The following PGA3 variants were observed in gnomAD, a reference collection of about 807,000 sequenced individuals.
The protein encoded by PGA3 is pepsinogen A3, also known as pepsin A-3.
Under a neutral mutation model 15.6 loss-of-function variants are expected in PGA3, and 1 was observed. The ratio of observed to expected loss-of-function variants is 0.06; its 90% confidence interval spans 0.02 to 0.30. The LOEUF is 0.30. PGA3 is among the 10% of genes least tolerant of loss of function. The pLI is 1.00. For synonymous variants in PGA3, 14 were observed against 79.5 expected (o/e 0.18, Z 4.38); for missense variants, 29 against 183.7 (o/e 0.16, Z 4.87).
intron 1 of PGA3, 141 bp downstream of exon 1, chr11:61,203,761 G>A: frequency 1.4e-6 from 2 of 1,407,840 alleles, no homozygotes; most frequent in Admixed American, 1.9e-5. Context: ...CTGCCTTTTT[G>A]GGAGGCAGCC....
chr11:61,205,194 A>T (rs1853911153), intron 2 of PGA3, among the ~76,000 whole-genome samples: 1 of 151,894 alleles, frequency 6.6e-6, no homozygotes, highest in African/African-American at 2.4e-5. Flanking sequence ...CCGTCAGAGG[A>T]TGTTGCCAGG....
chr11:61,211,098 T>A lies in PGA3; in HGVS notation c.782T>A (p.Met261Lys). Residue 261 changes from methionine (M) to lysine (K), a missense_variant, in exon 7 of 9, where the codon ATG (methionine) becomes AAG (lysine). Transcript: ENST00000325558. ...TTGCTTCTTGCCCTCAGCATCACCA[T>A]GAACGGAGAGGCCATCGCCTGCGCT... is the stretch of plus-strand genomic sequence containing the variant. ...YWQITVDSITMNGEAIACAEG... is the reference protein window; with the variant it reads ...YWQITVDSITKNGEAIACAEG... 2 of 364,690 alleles carry A rather than the reference T, an allele frequency of 5.5e-6. No homozygotes were observed. The highest frequency in any genetic ancestry group is 9.9e-6 in the Non-Finnish European group (2 of 202,874). The allele number at this position is 364,690 out of a possible 1,614,324, so 22.6% of individuals were successfully genotyped here.
intron 2 of PGA3, 22 bp downstream of exon 2, chr11:61,204,291 G>T (rs758206395): frequency 1.5e-6 from 2 of 1,375,420 alleles, no homozygotes. Context: ...GGCAAGTGGT[G>T]GGGCCAGCTC....
Position 61,211,943 on chromosome 11 carries a change from C to T in PGA3, c.1017+508C>T, listed in dbSNP as rs1170883133. Among the ~76,000 whole-genome samples the T allele has an allele frequency of 2.6e-4, 38 of 148,888 alleles. 1 individual carries two copies. The highest frequency in any genetic ancestry group is 3.5e-3 in the Middle Eastern group (1 of 282). On this transcript the variant is annotated intron_variant, in intron 8 of 8. Coordinates refer to ENST00000325558, the MANE Select transcript of PGA3 (RefSeq NM_001079807.4). The stretch of plus-strand genomic sequence containing the variant: ...ACCAAGTAGCAAATCTTTAGCTATA[C>T]GAGCCACAAGAAAACTCTTTCCCTT...
intron 6 of PGA3, 139 bp from the exon 7 acceptor site, chr11:61,210,951 C>T: frequency 2.5e-5 from 3 of 120,864 alleles, no homozygotes; most frequent in South Asian, 4.9e-5. Flanking sequence ...CGAATGAGTG[C>T]GTGAACGAGA....
At chr11:61,205,431 A>G (rs1243876552) in intron 2 of PGA3, among the ~76,000 whole-genome samples, 3 of 152,222 alleles carry the variant, frequency 2.0e-5, no homozygotes, top group Non-Finnish European at 4.4e-5. Flanking sequence ...AGAGAATTTC[A>G]GATAATGATG....
At chr11:61,206,482 G>A (rs751303030) in intron 2 of PGA3, 28 bp from the exon 3 acceptor site, 27 of 40,602 alleles carry the variant, frequency 6.6e-4, no homozygotes, top group Non-Finnish European at 1.2e-3. Flanking sequence ...ACCCCGTTCC[G>A]TGAACTGCCC....
chr11:61,211,533 C>A (rs1178184864), intron 8 of PGA3, 98 bp downstream of exon 8: 1 of 1,393,268 alleles, frequency 7.2e-7, no homozygotes, highest in South Asian at 1.2e-5. Context: ...CGAGCTGAAG[C>A]CAAGAGGCAG....
chr11:61,204,850 G>A (rs192935302), intron 2 of PGA3: 41 of 164,394 alleles, frequency 2.5e-4, no homozygotes, highest in Non-Finnish European at 4.7e-4. Context: ...AGGGGTGGAC[G>A]CAGAGAGGCT....
chr11:61,203,840 C>T, intron 1 of PGA3: 1 of 738,176 alleles, frequency 1.4e-6, no homozygotes, highest in Non-Finnish European at 2.2e-6. Flanking sequence ...GTCAGCTTAA[C>T]TTCTTTGCAT....
intron 2 of PGA3, among the ~76,000 whole-genome samples, chr11:61,204,903 A>G (rs1263445325): frequency 1.3e-5 from 2 of 152,208 alleles, no homozygotes; most frequent in African/African-American, 4.8e-5. Context: ...GGGGTGTGAC[A>G]AGATCAGATC....
At chr11:61,205,160 G>A (rs1853910532) in intron 2 of PGA3, among the ~76,000 whole-genome samples, 1 of 151,930 alleles carries the variant, frequency 6.6e-6, no homozygotes, top group East Asian at 1.9e-4. Context: ...GTCTTGGTCT[G>A]GAAAACAGAA....
intron 8 of PGA3, 55 bp downstream of exon 8, chr11:61,211,490 A>G (rs1853946078): frequency 1.5e-6 from 2 of 1,293,256 alleles, no homozygotes; most frequent in Non-Finnish European, 2.2e-6. Flanking sequence ...GTGGACACAG[A>G]GTTCCCCTCT....
At chr11:61,203,793 G>A (rs529027129) in intron 1 of PGA3, 173 bp downstream of exon 1, 37 of 1,096,176 alleles carry the variant, frequency 3.4e-5, no homozygotes, top group South Asian at 2.6e-4. Context: ...GTTAAAACTC[G>A]GGCCCAGCCT....
intron 2 of PGA3, chr11:61,205,826 G>A (rs1853920674): frequency 9.9e-6 from 1 of 101,514 alleles, no homozygotes; most frequent in East Asian, 2.0e-4. Context: ...GTGAAACCCC[G>A]TCTCTACTAA....
At chr11:61,205,437 T>C (rs1306575819) in intron 2 of PGA3, among the ~76,000 whole-genome samples, 102 of 152,230 alleles carry the variant, frequency 6.7e-4, no homozygotes, top group Admixed American at 6.5e-3. Context: ...TTTCAGATAA[T>C]GATGAGGACC....
chr11:61,211,688 C>G (rs1366722791), intron 8 of PGA3, among the ~76,000 whole-genome samples: 3 of 150,180 alleles, frequency 2.0e-5, no homozygotes, highest in Non-Finnish European at 1.5e-5. Context: ...CTATTTGGAC[C>G]CCTGGGTCCA....
chr11:61,211,823 C>A (rs1853951308), intron 8 of PGA3, among the ~76,000 whole-genome samples: 2 of 151,174 alleles, frequency 1.3e-5, no homozygotes, highest in South Asian at 4.2e-4. Flanking sequence ...GTTAGGTCAA[C>A]CAAGTGAGAC....
chr11:61,203,698 T>G, intron 1 of PGA3, 78 bp downstream of exon 1: 2 of 1,604,938 alleles, frequency 1.2e-6, no homozygotes, highest in Non-Finnish European at 1.7e-6. Flanking sequence ...CCTTCTTCCC[T>G]TTTTTCTCCC....
Sources: gnomAD v4.1 joint callset for allele counts (sites outside exome capture counted in the v4.1 genomes callset) on GRCh38, gnomAD v4.1.1 for gene constraint, MANE v1.5 for transcripts, NCBI Gene and HGNC (gene_info 2026-07-23, HGNC 2026-07-21) for gene names.